FBXL20: variants seen among roughly 807,000 people sequenced by gnomAD.
FBXL20 encodes F-box/LRR-repeat protein 20.
A neutral mutation model predicts 64.0 loss-of-function variants in FBXL20; 11 were observed. The observed-to-expected ratio is 0.17, with a 90% confidence interval of 0.11 to 0.28. The LOEUF is 0.28. Among genes scored for constraint, FBXL20 ranks in the 10% least tolerant of loss-of-function variants. The pLI, the probability that FBXL20 is intolerant of heterozygous loss-of-function variation, is 1.00. For missense variants in FBXL20, 303 were observed against 526.2 expected, an observed-to-expected ratio of 0.58 and a Z score of 4.15; for synonymous variants, 184 against 189.0, an observed-to-expected ratio of 0.97 and a Z score of 0.22.
At chr17:39,296,637 T>C (rs1232888872) in intron 6 of FBXL20, among the ~76,000 whole-genome samples, 3 of 151,902 alleles carry the variant, frequency 2.0e-5, no homozygotes, top group African/African-American at 7.3e-5. Context: ...CTAATTTCTG[T>C]GACTGTAAGC....
intron 11 of FBXL20, 80 bp from the exon 12 acceptor site, chr17:39,268,951 G>A (rs1346526587): frequency 8.2e-7 from 1 of 1,212,304 alleles, no homozygotes; most frequent in Admixed American, 1.8e-5. Context: ...AGAAAACTAA[G>A]AGGTAATATT....
At chr17:39,315,829 C>CAGAGAGAGTG (rs2047284167) in intron 2 of FBXL20, among the ~76,000 whole-genome samples, 1 of 129,686 alleles carries the variant, frequency 7.7e-6, no homozygotes, top group Non-Finnish European at 1.6e-5. Context: ...GAGAGAGAGA[C>CAGAGAGAGTG]AGAGAGAGAG....
At chr17:39,383,929 AAATTTTATAC>A (rs1050083304) in intron 1 of FBXL20, among the ~76,000 whole-genome samples, 2 of 151,992 alleles carry the variant, frequency 1.3e-5, no homozygotes, top group African/African-American at 4.8e-5. Flanking sequence ...TTATTCATGT[AAATTTTATAC>A]ATAAAATTTA....
rs114553307 is a variant in FBXL20, at chr17:39,336,488, T to C, written c.104+6692A>G. Among the ~76,000 whole-genome samples, 963 of 152,198 alleles carry C rather than the reference T, an allele frequency of 6.3e-3. 16 individuals carry two copies. Among genetic ancestry groups the C allele is most frequent in the African/African-American group, 0.022 (920 of 41,530 alleles). Reference sequence around the variant, plus strand: ...GAGTCTATACTACACTAACTATAAATAGAACAGATGGGAAAGCTCTACCTT... The same window carrying C: ...GAGTCTATACTACACTAACTATAAACAGAACAGATGGGAAAGCTCTACCTT... On this transcript the variant is annotated intron_variant, in intron 2 of 14. Transcript: ENST00000264658.
At chr17:39,367,074 G>A (rs1383377215) in intron 1 of FBXL20, among the ~76,000 whole-genome samples, 3 of 151,302 alleles carry the variant, frequency 2.0e-5, no homozygotes, top group African/African-American at 2.4e-5. Flanking sequence ...TAGTAGAGAC[G>A]GGGTTTCGGC....
chr17:39,266,775 A>G (rs2046795911), intron 12 of FBXL20, among the ~76,000 whole-genome samples: 1 of 152,234 alleles, frequency 6.6e-6, no homozygotes, highest in Admixed American at 6.5e-5. Context: ...CTCAGGCTAC[A>G]TTTGAACACA....
chr17:39,397,332 G>A (rs2048193947), intron 1 of FBXL20, among the ~76,000 whole-genome samples: 1 of 152,206 alleles, frequency 6.6e-6, no homozygotes, highest in African/African-American at 2.4e-5. Flanking sequence ...AAACAATAAT[G>A]AACATGGATT....
At chr17:39,272,658 T>C (rs761041320) in intron 10 of FBXL20, among the ~76,000 whole-genome samples, 5 of 134,278 alleles carry the variant, frequency 3.7e-5, no homozygotes, top group Non-Finnish European at 7.6e-5. Flanking sequence ...GCCAAGATCA[T>C]GCCATTGCAC....
At chr17:39,270,883 A>C (rs1337988136) in intron 10 of FBXL20, 27 bp from the exon 11 acceptor site, 1 of 1,538,770 alleles carries the variant, frequency 6.5e-7, no homozygotes, top group African/African-American at 1.4e-5. Context: ...AAAAACAGTG[A>C]AAGTCAAGCT....
intron 1 of FBXL20, among the ~76,000 whole-genome samples, chr17:39,395,619 T>C (rs557600563): frequency 1.3e-5 from 2 of 152,218 alleles, no homozygotes; most frequent in Non-Finnish European, 2.9e-5. Context: ...GTTTCACCAG[T>C]ACTCAATCCC....
intron 6 of FBXL20, among the ~76,000 whole-genome samples, chr17:39,295,306 A>G (rs650106): frequency 0.38 from 57,951 of 152,048 alleles, 14,221 homozygotes; most frequent in African/African-American, 0.7. Flanking sequence ...TTGCTCTTTC[A>G]TCTAGGCTGG....
intron 2 of FBXL20, among the ~76,000 whole-genome samples, chr17:39,332,087 G>T (rs943876916): frequency 1.3e-5 from 2 of 152,204 alleles, no homozygotes; most frequent in African/African-American, 4.8e-5. Context: ...AGATTGTAGA[G>T]TCCATGTTCT....
At chr17:39,315,011 G>A (rs948813887) in intron 2 of FBXL20, among the ~76,000 whole-genome samples, 2 of 151,942 alleles carry the variant, frequency 1.3e-5, no homozygotes, top group Non-Finnish European at 2.9e-5. Flanking sequence ...TGGCCAGGCT[G>A]GTCTCAATCT....
In FBXL20 at chr17:39,401,529, G is replaced by A. The variant is rs1305010985; in HGVS notation, c.-127C>T. On this transcript the variant is annotated 5_prime_UTR_variant, in exon 1 of 15. Coordinates refer to ENST00000264658, the MANE Select transcript of FBXL20 (RefSeq NM_032875.3). ...CGGAGGGGTGACGCCGGGACCGTGG[G>A]ACGGGAACAAGAGACCTCTCGGCTC... 3 of 1,456,850 alleles carry A rather than the reference G, an allele frequency of 2.1e-6. No homozygotes were observed. The highest frequency in any genetic ancestry group is 2.7e-6 in the Non-Finnish European group (3 of 1,115,664). 90.2% of individuals were successfully genotyped at this position (1,456,850 alleles called of 1,614,324 possible).
At chr17:39,402,304 C>T (rs2048256824), upstream of FBXL20, 1 of 930,192 alleles carries the variant, frequency 1.1e-6, no homozygotes. Context: ...CCGCCTCCCC[C>T]GCCTCCCCCG....
intron 2 of FBXL20, among the ~76,000 whole-genome samples, chr17:39,312,368 T>G (rs2047242887): frequency 6.6e-6 from 1 of 151,050 alleles, no homozygotes; most frequent in Non-Finnish European, 1.5e-5. Context: ...GAGCCGAGAT[T>G]GTGCCACTGC....
chr17:39,356,530 A>T (rs1397033435), intron 1 of FBXL20, among the ~76,000 whole-genome samples: 2 of 152,004 alleles, frequency 1.3e-5, no homozygotes, highest in South Asian at 4.1e-4. Context: ...TATTTTTTCT[A>T]TATTTTATAG....
intron 11 of FBXL20, among the ~76,000 whole-genome samples, chr17:39,270,338 G>T (rs1488751355): frequency 2.6e-5 from 4 of 152,180 alleles, no homozygotes; most frequent in African/African-American, 9.7e-5. Context: ...GAGGTTGGGA[G>T]TTGAAGACCA....
chr17:39,332,535 T>A (rs145261232), intron 2 of FBXL20, among the ~76,000 whole-genome samples: 1 of 127,038 alleles, frequency 7.9e-6, no homozygotes, highest in African/African-American at 3.0e-5. Context: ...TTTCTTTGTA[T>A]CTTTTTTTTT....
Sources: allele counts gnomAD v4.1 joint callset (sites outside exome capture counted in the v4.1 genomes callset), GRCh38; gene constraint gnomAD v4.1.1; transcripts MANE v1.5; gene names NCBI Gene and HGNC (gene_info 2026-07-23, HGNC 2026-07-21).